ZNF280C: variants seen among roughly 807,000 people sequenced by gnomAD.
ZNF280C encodes suppressor of hairy wing homolog 3.
In ZNF280C, 14 loss-of-function variants were observed where a neutral mutation model predicts 53.6. The observed-to-expected ratio is 0.26, with a 90% CI of 0.17 to 0.41. ZNF280C has a LOEUF of 0.41. ZNF280C is among the 10% of genes least tolerant of loss of function. The pLI is 1.00. For missense variants in ZNF280C, 416 were observed against 547.1 expected (o/e 0.76, Z 2.39); for synonymous variants, 203 against 181.1 (o/e 1.12, Z -0.97).
At chrX:130,220,246 T>G in intron 13 of ZNF280C, 103 bp downstream of exon 13, 1 of 781,138 alleles carries the variant, frequency 1.3e-6, no homozygotes, top group Non-Finnish European at 1.7e-6. Context: ...CTAGTGAGCT[T>G]TCTAACACTA....
intron 10 of ZNF280C, 54 bp from the exon 11 acceptor site, chrX:130,227,836 T>C: frequency 2.9e-6 from 2 of 679,926 alleles, no homozygotes; most frequent in Non-Finnish European, 4.6e-6. Flanking sequence ...TAAAAAAAGA[T>C]TCATTTTGTA....
chrX:130,231,249 C>T (rs763035132), intron 8 of ZNF280C, among the ~76,000 whole-genome samples: 1 of 111,499 alleles, frequency 9.0e-6, no homozygotes, highest in East Asian at 2.8e-4. Context: ...ACCAAAAAGA[C>T]ACCTACACTT....
intron 16 of ZNF280C, among the ~76,000 whole-genome samples, chrX:130,206,685 C>A (rs1175860745): frequency 9.0e-6 from 1 of 111,325 alleles, no homozygotes; most frequent in African/African-American, 3.3e-5. Context: ...GTTTTAACAA[C>A]CTGTTGTGGA....
chrX:130,240,930 C>T (rs993998671), intron 5 of ZNF280C, among the ~76,000 whole-genome samples: 5 of 112,016 alleles, frequency 4.5e-5, no homozygotes, highest in African/African-American at 1.6e-4. Context: ...AATGTACTTG[C>T]CTCTTTCACA....
chrX:130,222,304 A>T (rs934236128), intron 12 of ZNF280C, among the ~76,000 whole-genome samples: 20 of 106,268 alleles, frequency 1.9e-4, no homozygotes, highest in Non-Finnish European at 3.3e-4. Flanking sequence ...ACACACACAC[A>T]CACACACACA....
chrX:130,259,599 A>T (rs1408642110), intron 2 of ZNF280C, among the ~76,000 whole-genome samples: 1 of 112,743 alleles, frequency 8.9e-6, no homozygotes. Context: ...TAAACCTACA[A>T]CAGTAGTTAT....
At chrX:130,211,348 A>G (rs949193760) in intron 15 of ZNF280C, among the ~76,000 whole-genome samples, 1 of 112,290 alleles carries the variant, frequency 8.9e-6, no homozygotes, top group Admixed American at 9.5e-5. Context: ...ATAATCAAGA[A>G]TAAGAAAAAC....
intron 12 of ZNF280C, among the ~76,000 whole-genome samples, chrX:130,222,274 C>CA (rs2032173052): frequency 5.0e-5 from 3 of 59,535 alleles, no homozygotes; most frequent in Middle Eastern, 9.4e-3. Context: ...TACATTCAGA[C>CA]ACCACACACA....
chrX:130,258,155 GAATGTATAT>G (rs2032594972), intron 2 of ZNF280C, among the ~76,000 whole-genome samples: 1 of 111,494 alleles, frequency 9.0e-6, no homozygotes, highest in African/African-American at 3.3e-5. Flanking sequence ...ATAAAAATGG[GAATGTATAT>G]AAGTGGTGGA....
intron 15 of ZNF280C, 151 bp from the exon 16 acceptor site, chrX:130,209,866 A>C: frequency 1.9e-6 from 1 of 520,158 alleles, no homozygotes; most frequent in Non-Finnish European, 3.2e-6. Context: ...TTAAAGCTAT[A>C]ATCTGAATTT....
intron 12 of ZNF280C, 90 bp downstream of exon 12, chrX:130,226,663 TTATAGA>T: frequency 1.1e-6 from 1 of 906,068 alleles, no homozygotes. Context: ...ATGTTCTACG[TTATAGA>T]TAGATATAGA....
Position 130,264,472 on chromosome X carries a change from T to C in ZNF280C, c.-16-4007A>G, listed in dbSNP as rs745851733. The stretch of plus-strand genomic sequence containing the variant: ...CTATAACAATATAATTCTCTTTTTG[T>C]TTTGCTATTTAACTTTTGCTATCTA... On this transcript the variant is annotated intron_variant, in intron 1 of 18. Coordinates refer to ENST00000370978, the MANE Select transcript of ZNF280C (RefSeq NM_017666.5). Among the ~76,000 whole-genome samples, 6 of 111,172 alleles carry C rather than the reference T, an allele frequency of 5.4e-5. No homozygotes were observed. In the South Asian group the frequency reaches 1.9e-3, roughly 35 times the overall value.
chrX:130,253,782 A>G (rs2032538080), intron 2 of ZNF280C, among the ~76,000 whole-genome samples: 2 of 112,156 alleles, frequency 1.8e-5, no homozygotes. Flanking sequence ...AAAGACTTCA[A>G]TGTAAAACCC....
chrX:130,262,301 A>G (rs2032638789), intron 1 of ZNF280C, among the ~76,000 whole-genome samples: 1 of 112,335 alleles, frequency 8.9e-6, no homozygotes, highest in Admixed American at 9.5e-5. Context: ...CACTCTAGCC[A>G]TATTTCAAGT....
At position 130,205,003 on chromosome X, in the gene ZNF280C, A is replaced by G. The variant is rs763726596; in HGVS notation, c.2199-11T>C. On this transcript the variant is annotated splice_polypyrimidine_tract_variant and intron_variant, in intron 18 of 18. Coordinates refer to ENST00000370978, the MANE Select transcript of ZNF280C (RefSeq NM_017666.5). ...TATTTCAATGAGCAGCTTTAAGAAAAAAAAAAAAAAACTTTAATATTTTTC... is the reference window on the plus strand; with the variant it reads ...TATTTCAATGAGCAGCTTTAAGAAAGAAAAAAAAAAACTTTAATATTTTTC... The G allele has an allele frequency of 9.4e-7, 1 of 1,061,496 alleles. No homozygotes were observed. Among genetic ancestry groups the G allele is most frequent in the Admixed American group, 3.5e-5 (1 of 28,414 alleles). The allele number at this position is 1,061,496 out of a possible 1,213,427, so 87.5% of individuals were successfully genotyped here.
intron 12 of ZNF280C, among the ~76,000 whole-genome samples, chrX:130,222,443 TTAAA>T (rs1266869669): frequency 1.8e-5 from 2 of 111,419 alleles, no homozygotes; most frequent in Admixed American, 9.5e-5. Context: ...CAAATATTTC[TTAAA>T]TAAAGAAATA....
At chrX:130,223,181 C>T (rs1006830519) in intron 12 of ZNF280C, among the ~76,000 whole-genome samples, 4 of 110,736 alleles carry the variant, frequency 3.6e-5, no homozygotes, top group African/African-American at 1.3e-4. Context: ...CCTCAGCCTA[C>T]GAGTAGCTGG....
At chrX:130,225,929 G>A (rs111981310) in intron 12 of ZNF280C, among the ~76,000 whole-genome samples, 9 of 111,861 alleles carry the variant, frequency 8.0e-5, no homozygotes, top group African/African-American at 2.6e-4. Flanking sequence ...TAGTAAATCC[G>A]TTGACTTCTG....
At chrX:130,225,841 C>T (rs1333919666) in intron 12 of ZNF280C, among the ~76,000 whole-genome samples, 2 of 111,719 alleles carry the variant, frequency 1.8e-5, no homozygotes, top group East Asian at 2.8e-4. Context: ...ATCAACTTGC[C>T]GAGACAATGC....
Sources: gnomAD v4.1 joint callset for allele counts (sites outside exome capture counted in the v4.1 genomes callset) on GRCh38, gnomAD v4.1.1 for gene constraint, MANE v1.5 for transcripts, NCBI Gene and HGNC (gene_info 2026-07-23, HGNC 2026-07-21) for gene names.